Variants in SLC24A2 observed in about 807,000 individuals in gnomAD.
SLC24A2 encodes the protein solute carrier family 24 member 2, also known as sodium/potassium/calcium exchanger 2.
Under a neutral mutation model 62.0 loss-of-function variants are expected in SLC24A2, and 36 were observed. That is an observed-to-expected ratio of 0.58 (90% confidence interval 0.44 to 0.77). The LOEUF (loss-of-function observed/expected upper bound fraction) is 0.77. Among genes scored for constraint, SLC24A2 ranks in the 30% least tolerant of loss-of-function variants. The pLI, the probability that SLC24A2 is intolerant of heterozygous loss-of-function variation, is 0.00. For synonymous variants in SLC24A2, 358 were observed against 294.0 expected (o/e 1.22, Z -2.23); for missense variants, 846 against 817.9 (o/e 1.03, Z -0.42).
At chr9:20,090,527 G>T in the SLC24A2 span, among the ~76,000 whole-genome samples, 2 of 152,004 alleles carry the variant, frequency 1.3e-5, no homozygotes, top group African/African-American at 2.4e-5. Context: ...TCTACCAACC[G>T]ACCACTATAG....
At chr9:20,208,583 C>A in the SLC24A2 span, among the ~76,000 whole-genome samples, 2 of 152,184 alleles carry the variant, frequency 1.3e-5, no homozygotes, top group Non-Finnish European at 2.9e-5. Flanking sequence ...AATGTTTCAC[C>A]CAGCATACAC....
At chr9:19,682,325 A>G (rs1448041651) in intron 2 of SLC24A2, among the ~76,000 whole-genome samples, 1 of 152,146 alleles carries the variant, frequency 6.6e-6, no homozygotes, top group Non-Finnish European at 1.5e-5. Flanking sequence ...CAGAAGTACA[A>G]TAACTGAGAA....
At chr9:19,694,360 C>A (rs1181093529) in intron 2 of SLC24A2, among the ~76,000 whole-genome samples, 1 of 149,526 alleles carries the variant, frequency 6.7e-6, no homozygotes, top group African/African-American at 2.5e-5. Flanking sequence ...TGTTCTCTCA[C>A]TAATGGAAGA....
chr9:19,858,854 G>T, the SLC24A2 span, among the ~76,000 whole-genome samples: 1 of 152,164 alleles, frequency 6.6e-6, no homozygotes, highest in Non-Finnish European at 1.5e-5. Flanking sequence ...AATAGCAGAT[G>T]CTGGCAAGAT....
chr9:20,279,051 G>A, the SLC24A2 span, among the ~76,000 whole-genome samples: 2 of 152,040 alleles, frequency 1.3e-5, no homozygotes, highest in African/African-American at 2.4e-5. Context: ...GGGAAAAGCT[G>A]CTTATAAAAC....
At chr9:19,824,513 G>C in the SLC24A2 span, among the ~76,000 whole-genome samples, 1 of 152,142 alleles carries the variant, frequency 6.6e-6, no homozygotes, top group African/African-American at 2.4e-5. Context: ...TAAAAAGTCA[G>C]GAAACAACAG....
intron 2 of SLC24A2, among the ~76,000 whole-genome samples, chr9:19,685,972 G>A (rs952429676): frequency 3.3e-5 from 5 of 151,984 alleles, no homozygotes; most frequent in African/African-American, 1.2e-4. Flanking sequence ...TATCAACAGA[G>A]TAAACAGACA....
chr9:20,225,792 C>T, the SLC24A2 span, among the ~76,000 whole-genome samples: 1 of 150,916 alleles, frequency 6.6e-6, no homozygotes, highest in Non-Finnish European at 1.5e-5. Context: ...AATAATAAAC[C>T]ATATGGGTCT....
chr9:19,549,400 C>G (rs1263402028), intron 8 of SLC24A2, among the ~76,000 whole-genome samples: 2 of 152,130 alleles, frequency 1.3e-5, no homozygotes, highest in African/African-American at 2.4e-5. Context: ...TCAAGACACA[C>G]TTAGGACTGC....
the SLC24A2 span, among the ~76,000 whole-genome samples, chr9:20,036,348 A>G: frequency 6.6e-6 from 1 of 152,174 alleles, no homozygotes; most frequent in African/African-American, 2.4e-5. Flanking sequence ...TTTGAGATTT[A>G]TTCTCTTAGC....
chr9:19,565,672 A>G (rs1835620008), intron 7 of SLC24A2, among the ~76,000 whole-genome samples: 1 of 152,218 alleles, frequency 6.6e-6, no homozygotes, highest in African/African-American at 2.4e-5. Context: ...TCCTAAGCCA[A>G]AAGAACAAAG....
At chr9:20,009,462 A>T in the SLC24A2 span, among the ~76,000 whole-genome samples, 1 of 151,992 alleles carries the variant, frequency 6.6e-6, no homozygotes, top group South Asian at 2.1e-4. Context: ...AGTTGCTCTG[A>T]ACTTTGGCCA....
At chr9:20,191,029 A>G in the SLC24A2 span, among the ~76,000 whole-genome samples, 2 of 152,306 alleles carry the variant, frequency 1.3e-5, no homozygotes, top group African/African-American at 4.8e-5. Flanking sequence ...CCGTCTCTAA[A>G]ACTTCAATAT....
At chr9:19,846,624 A>C in the SLC24A2 span, among the ~76,000 whole-genome samples, 1 of 152,166 alleles carries the variant, frequency 6.6e-6, no homozygotes, top group Admixed American at 6.5e-5. Context: ...TTTTGATCTT[A>C]TTACAAAGTT....
chr9:19,871,742 G>A, the SLC24A2 span, among the ~76,000 whole-genome samples: 1 of 152,060 alleles, frequency 6.6e-6, no homozygotes. Context: ...CTATACTTGT[G>A]TTTTCATAGA....
chr9:19,727,133 G>C (rs75491262), intron 2 of SLC24A2, among the ~76,000 whole-genome samples: 3,221 of 152,112 alleles, frequency 0.021, 124 homozygotes, highest in African/African-American at 0.073. Context: ...TGTGTCTGTG[G>C]GCTCTACCAT....
At chr9:20,071,054 C>T in the SLC24A2 span, among the ~76,000 whole-genome samples, 1 of 152,294 alleles carries the variant, frequency 6.6e-6, no homozygotes, top group South Asian at 2.1e-4. Flanking sequence ...CCTCCCCATT[C>T]TCTCTCTTCT....
At chr9:19,613,580 T>C (rs1817685599) in intron 4 of SLC24A2, among the ~76,000 whole-genome samples, 1 of 152,270 alleles carries the variant, frequency 6.6e-6, no homozygotes, top group African/African-American at 2.4e-5. Context: ...AAGAGAGAGC[T>C]TTTAAAAAAC....
chr9:20,101,671 T>C, the SLC24A2 span, among the ~76,000 whole-genome samples: 2 of 152,164 alleles, frequency 1.3e-5, no homozygotes, highest in Non-Finnish European at 2.9e-5. Flanking sequence ...AGACCTGACC[T>C]TTCCCTTTGG....
Sources: allele counts gnomAD v4.1 joint callset (sites outside exome capture counted in the v4.1 genomes callset), GRCh38; gene constraint gnomAD v4.1.1; transcripts MANE v1.5; gene names NCBI Gene and HGNC (gene_info 2026-07-23, HGNC 2026-07-21).